Variants in PHACTR1 observed in about 807,000 individuals in gnomAD.
PHACTR1 encodes the protein RPEL repeat containing 1.
In PHACTR1, 16 loss-of-function variants were observed where a neutral mutation model predicts 69.2. That is an observed-to-expected ratio of 0.23 (90% CI 0.16 to 0.35). The LOEUF is 0.35. Among genes scored for constraint, PHACTR1 ranks in the 10% least tolerant of loss-of-function variants. The pLI is 1.00. For missense variants in PHACTR1, 510 were observed against 734.7 expected, an observed-to-expected ratio of 0.69 and a Z score of 3.54; for synonymous variants, 312 against 284.5, an observed-to-expected ratio of 1.10 and a Z score of -0.97.
chr6:12,901,081 G>A (rs528625116), intron 4 of PHACTR1, among the ~76,000 whole-genome samples: 1 of 152,276 alleles, frequency 6.6e-6, no homozygotes, highest in African/African-American at 2.4e-5. Flanking sequence ...CCCATTCCAG[G>A]CATGTTCTTT....
At chr6:12,945,048 CT>C (rs1347444689) in intron 4 of PHACTR1, among the ~76,000 whole-genome samples, 17 of 152,274 alleles carry the variant, frequency 1.1e-4, no homozygotes, top group Admixed American at 5.9e-4. Context: ...TCCCAAAGTG[CT>C]GGGATTACAG....
At chr6:13,201,494 A>G (rs1289823467) in intron 7 of PHACTR1, among the ~76,000 whole-genome samples, 2 of 152,194 alleles carry the variant, frequency 1.3e-5, no homozygotes, top group South Asian at 2.1e-4. Flanking sequence ...TGGACTGAGC[A>G]TGGAGCCATC....
intron 4 of PHACTR1, among the ~76,000 whole-genome samples, chr6:12,779,605 C>A (rs2127640658): frequency 6.6e-6 from 1 of 152,270 alleles, no homozygotes; most frequent in Admixed American, 6.5e-5. Flanking sequence ...AATTTCATGG[C>A]AATCTTCCCA....
At position 13,204,363 on chromosome 6, in the gene PHACTR1, CT is replaced by C. The variant is rs1765614248; in HGVS notation, c.665-1451del. On this transcript the variant is annotated intron_variant, in intron 7 of 14. Coordinates refer to ENST00000332995, the MANE Select transcript of PHACTR1 (RefSeq NM_030948.6). ...TGGCCTCCGAGATGGAGAGTCAGAA[CT>C]GCGTGGTGCTCCCCAACACGGGGTG... Among the ~76,000 whole-genome samples the C allele has an allele frequency of 2.6e-5, 4 of 152,110 alleles. No homozygotes were observed. The South Asian group carries it at 8.3e-4, about 32-fold the overall frequency.
intron 4 of PHACTR1, among the ~76,000 whole-genome samples, chr6:12,977,318 G>A (rs1460142301): frequency 6.6e-6 from 1 of 152,022 alleles, no homozygotes; most frequent in East Asian, 1.9e-4. Context: ...AGATAAGGAG[G>A]GACGGCTATA....
intron 4 of PHACTR1, among the ~76,000 whole-genome samples, chr6:13,000,696 AAAAC>A (rs1452203353): frequency 6.7e-6 from 1 of 148,982 alleles, no homozygotes; most frequent in Admixed American, 6.6e-5. Context: ...GAAGGAGAGA[AAAAC>A]AAAGGTGGTG....
chr6:12,819,999 C>G (rs1025136215), intron 4 of PHACTR1, among the ~76,000 whole-genome samples: 1 of 152,138 alleles, frequency 6.6e-6, no homozygotes, highest in African/African-American at 2.4e-5. Context: ...TAGGAAACAA[C>G]TCTACACCCT....
chr6:13,260,099 A>G (rs188443785), intron 10 of PHACTR1, among the ~76,000 whole-genome samples: 1 of 152,338 alleles, frequency 6.6e-6, no homozygotes, highest in Non-Finnish European at 1.5e-5. Flanking sequence ...AAATCAAATG[A>G]GCCCCTATTA....
intron 4 of PHACTR1, among the ~76,000 whole-genome samples, chr6:12,821,238 G>A (rs915043961): frequency 3.3e-5 from 5 of 152,124 alleles, no homozygotes; most frequent in Non-Finnish European, 7.4e-5. Flanking sequence ...AAGGCAGTTG[G>A]ATGACCTGAG....
At chr6:12,754,640 T>A (rs1311412867) in intron 4 of PHACTR1, among the ~76,000 whole-genome samples, 1 of 152,190 alleles carries the variant, frequency 6.6e-6, no homozygotes, top group African/African-American at 2.4e-5. Context: ...CCCCAGATAG[T>A]GTAATGAATA....
At chr6:12,943,705 G>A (rs1374330579) in intron 4 of PHACTR1, among the ~76,000 whole-genome samples, 3 of 152,176 alleles carry the variant, frequency 2.0e-5, no homozygotes, top group Non-Finnish European at 4.4e-5. Flanking sequence ...GGAAGGTGCC[G>A]TTGCTTTGGT....
intron 3 of PHACTR1, among the ~76,000 whole-genome samples, chr6:12,743,767 G>T (rs1234456908): frequency 6.6e-6 from 1 of 151,928 alleles, no homozygotes; most frequent in Non-Finnish European, 1.5e-5. Flanking sequence ...AGTTAACAAG[G>T]ATATCCAGGA....
At chr6:12,872,639 T>C (rs1274837692) in intron 4 of PHACTR1, among the ~76,000 whole-genome samples, 1 of 152,238 alleles carries the variant, frequency 6.6e-6, no homozygotes, top group Non-Finnish European at 1.5e-5. Flanking sequence ...CGTTAATCAA[T>C]TGTGAGCCTG....
At chr6:12,855,036 G>A (rs182093995) in intron 4 of PHACTR1, among the ~76,000 whole-genome samples, 27 of 152,282 alleles carry the variant, frequency 1.8e-4, no homozygotes, top group Non-Finnish European at 3.5e-4. Flanking sequence ...TCCCGTTAGT[G>A]GGTGTACTCT....
intron 8 of PHACTR1, among the ~76,000 whole-genome samples, chr6:13,227,246 C>T (rs1272280510): frequency 6.6e-6 from 1 of 152,178 alleles, no homozygotes; most frequent in Admixed American, 6.5e-5. Flanking sequence ...CCATCCCGCT[C>T]TTCCCTTTCT....
intron 10 of PHACTR1, among the ~76,000 whole-genome samples, chr6:13,261,998 C>G (rs2127421408): frequency 6.6e-6 from 1 of 152,318 alleles, no homozygotes; most frequent in Non-Finnish European, 1.5e-5. Flanking sequence ...TGTTTTGACT[C>G]TGTCCTGTGA....
intron 3 of PHACTR1, among the ~76,000 whole-genome samples, chr6:12,725,003 T>C (rs1436277680): frequency 6.6e-6 from 1 of 152,168 alleles, no homozygotes; most frequent in African/African-American, 2.4e-5. Flanking sequence ...CTGTTACTTG[T>C]CATAATGCAC....
chr6:13,089,915 A>G (rs1377261139), intron 5 of PHACTR1, among the ~76,000 whole-genome samples: 1 of 152,232 alleles, frequency 6.6e-6, no homozygotes, highest in African/African-American at 2.4e-5. Context: ...TTGTGACATA[A>G]TAAATTTCCT....
intron 4 of PHACTR1, among the ~76,000 whole-genome samples, chr6:13,019,416 T>C (rs1800656819): frequency 6.6e-6 from 1 of 152,232 alleles, no homozygotes; most frequent in Non-Finnish European, 1.5e-5. Flanking sequence ...CCCAGCTCCA[T>C]GCTGCTCATA....
Sources: gnomAD v4.1 joint callset for allele counts (sites outside exome capture counted in the v4.1 genomes callset) on GRCh38, gnomAD v4.1.1 for gene constraint, MANE v1.5 for transcripts, NCBI Gene and HGNC (gene_info 2026-07-23, HGNC 2026-07-21) for gene names.